The following PCDHGA11 variants were observed in gnomAD, a reference collection of about 807,000 sequenced individuals.
The protein encoded by PCDHGA11 is protocadherin gamma-A11.
PCDHGA11 carries 39 observed loss-of-function variants against 60.4 expected under a neutral mutation model. The ratio of observed to expected loss-of-function variants is 0.65; its 90% CI spans 0.50 to 0.84. The LOEUF (loss-of-function observed/expected upper bound fraction) is 0.84. Ranked by LOEUF, PCDHGA11 falls within the 40% of genes least tolerant of loss-of-function variation. PCDHGA11 has a pLI of 0.00. For missense variants in PCDHGA11, 1,165 were observed against 1,197.7 expected, an observed-to-expected ratio of 0.97 and a Z score of 0.40; for synonymous variants, 533 against 510.3, an observed-to-expected ratio of 1.04 and a Z score of -0.60.
At chr5:141,458,080 C>T (rs62379190) in intron 1 of PCDHGA11, among the ~76,000 whole-genome samples, 5,138 of 152,230 alleles carry the variant, frequency 0.034, 100 homozygotes, top group Middle Eastern at 0.088. Flanking sequence ...ACTATATTGC[C>T]GTAAGTTAAG....
rs781267293 is a variant in PCDHGA11 at position 141,489,926 on chromosome 5, C to T, written c.2434-4881C>T. 1.2e-6 allele frequency: 2 copies of T among 1,614,222 alleles called. No individual in the cohort carries two copies. The highest frequency in any genetic ancestry group is 2.2e-5 in the East Asian group (1 of 44,878). On this transcript the variant is annotated intron_variant, in intron 1 of 3. Coordinates refer to ENST00000398587, the MANE Select transcript of PCDHGA11 (RefSeq NM_018914.3). The surrounding 1 kb of genome is among the most constrained non-coding windows in gnomAD (Gnocchi z 4.5). Reference sequence around the variant, plus strand: ...GCCCGCTCAGGGACCACCCTTATCTCTGTCATCGTGCTGGACATCAATGAT... The same window carrying T: ...GCCCGCTCAGGGACCACCCTTATCTTTGTCATCGTGCTGGACATCAATGAT...
At chr5:141,446,718 C>G (rs1279970040) in intron 1 of PCDHGA11, among the ~76,000 whole-genome samples, 1 of 152,174 alleles carries the variant, frequency 6.6e-6, no homozygotes, top group Non-Finnish European at 1.5e-5. Flanking sequence ...CTGCCCGCCT[C>G]GGCCTCCCAA....
In PCDHGA11 at chr5:141,485,132, T is replaced by C. The variant is rs1020670896; in HGVS notation, c.2434-9675T>C. On this transcript the variant is annotated intron_variant, in intron 1 of 3. Transcript: ENST00000398587. This position sits in a 1 kb window ranked among gnomAD's most constrained non-coding sequence, Gnocchi z 5.7. ...GGCTGTTTGGGGCGGGTCGGCTTCATCCGCGTCTCAGGAGCAAGTAGAGAA... is the reference window on the plus strand; with the variant it reads ...GGCTGTTTGGGGCGGGTCGGCTTCACCCGCGTCTCAGGAGCAAGTAGAGAA... 8.1e-6 allele frequency: 12 copies of C among 1,489,136 alleles called. No individual in the cohort carries two copies. Among genetic ancestry groups the C allele is most frequent in the East Asian group, 2.3e-5 (1 of 44,214 alleles). The allele number at this position is 1,489,136 out of a possible 1,614,324, so 92.2% of individuals were successfully genotyped here.
chr5:141,494,074 C>A (rs2099751716), intron 1 of PCDHGA11, among the ~76,000 whole-genome samples: 1 of 152,180 alleles, frequency 6.6e-6, no homozygotes, highest in Non-Finnish European at 1.5e-5. Context: ...GGATCCCTCC[C>A]CGCTGCATCC....
intron 1 of PCDHGA11, among the ~76,000 whole-genome samples, chr5:141,463,797 T>C (rs58523023): frequency 0.28 from 42,459 of 152,012 alleles, 6,656 homozygotes; most frequent in African/African-American, 0.43. Flanking sequence ...TGAACAAATG[T>C]CTAAAAGCTT....
intron 1 of PCDHGA11, chr5:141,478,608 G>C (rs751033009): frequency 7.7e-6 from 12 of 1,558,942 alleles, no homozygotes; most frequent in Middle Eastern, 1.7e-4. Context: ...ATCATATTGA[G>C]GAAGGAATGG....
chr5:141,496,981 T>A (rs928774783), intron 2 of PCDHGA11, among the ~76,000 whole-genome samples: 1 of 150,304 alleles, frequency 6.7e-6, no homozygotes, highest in African/African-American at 2.5e-5. Context: ...AGGTCAGGGG[T>A]TTGAGACCAG....
Position 141,487,506 on chromosome 5 carries a change from C to T in PCDHGA11, c.2434-7301C>T. 1 of 1,614,220 alleles carries T rather than the reference C, an allele frequency of 6.2e-7. No homozygotes were observed. The highest frequency in any genetic ancestry group is 8.5e-7 in the Non-Finnish European group (1 of 1,180,046). On this transcript the variant is annotated intron_variant, in intron 1 of 3. Coordinates refer to ENST00000398587, the MANE Select transcript of PCDHGA11 (RefSeq NM_018914.3). The surrounding 1 kb of genome is among the most constrained non-coding windows in gnomAD (Gnocchi z 5.0). ...CATGGCTGTACACCCTTGGCTTCTG[C>T]ACCCACTCGGAGTGATAGCTTCATG...
Position 141,476,447 on chromosome 5 carries a change from G to A in PCDHGA11, c.2434-18360G>A. 2 of 1,614,130 alleles carry A rather than the reference G, an allele frequency of 1.2e-6. No homozygotes were observed. The highest frequency in any genetic ancestry group is 1.7e-6 in the Non-Finnish European group (2 of 1,180,026). On this transcript the variant is annotated intron_variant, in intron 1 of 3. Transcript: ENST00000398587. This position sits in a 1 kb window ranked among gnomAD's most constrained non-coding sequence, Gnocchi z 7.6. ...CTCTTGCACTGTAACTCTGGAGTTGGTAGTGGAGAACCCGCTGGAGCTGTT... is the reference window on the plus strand; with the variant it reads ...CTCTTGCACTGTAACTCTGGAGTTGATAGTGGAGAACCCGCTGGAGCTGTT...
intron 1 of PCDHGA11, chr5:141,478,053 T>A (rs1461280529): frequency 1.2e-6 from 2 of 1,614,010 alleles, no homozygotes; most frequent in Non-Finnish European, 1.7e-6. Context: ...ACTCTCACGG[T>A]CTTGATCAAA....
intron 1 of PCDHGA11, among the ~76,000 whole-genome samples, chr5:141,448,169 A>C (rs1418273084): frequency 6.6e-6 from 1 of 152,014 alleles, no homozygotes; most frequent in Non-Finnish European, 1.5e-5. Flanking sequence ...GATCACTACT[A>C]TTCATCCCTG....
chr5:141,477,295 G>A lies in PCDHGA11; in HGVS notation c.2434-17512G>A, dbSNP rs1207558247. On this transcript the variant is annotated intron_variant, in intron 1 of 3. Transcript: ENST00000398587. This position sits in a 1 kb window ranked among gnomAD's most constrained non-coding sequence, Gnocchi z 4.9. ...GGCTGGTGACCTGCGAAGTTCCACC[G>A]GGTCTCCCTTTCAGCCTTACTTCTT... is the stretch of plus-strand genomic sequence containing the variant. The A allele has an allele frequency of 8.1e-6, 13 of 1,613,990 alleles. No homozygotes were observed. Among genetic ancestry groups the A allele is most frequent in the Admixed American group, 3.3e-5 (2 of 59,990 alleles).
intron 1 of PCDHGA11, among the ~76,000 whole-genome samples, chr5:141,492,421 C>G (rs986772215): frequency 5.9e-5 from 9 of 152,250 alleles, no homozygotes; most frequent in African/African-American, 1.9e-4. Context: ...CTCCCTCCGC[C>G]GGGCTCAGGA....
rs369886570 is a variant in PCDHGA11 at position 141,487,839 on chromosome 5, G to A, written c.2434-6968G>A. ...GGGGGCGGGTCATGCCTATATCTGAGTAAGAAATGAAAGTAATTGGTGATC... is the reference window on the plus strand; with the variant it reads ...GGGGGCGGGTCATGCCTATATCTGAATAAGAAATGAAAGTAATTGGTGATC... On this transcript the variant is annotated intron_variant, in intron 1 of 3. Transcript: ENST00000398587. The surrounding 1 kb of genome is among the most constrained non-coding windows in gnomAD (Gnocchi z 5.0). The A allele has an allele frequency of 2.7e-6, 3 of 1,103,412 alleles. No homozygotes were observed. Among genetic ancestry groups the A allele is most frequent in the African/African-American group, 1.6e-5 (1 of 63,054 alleles). The allele number at this position is 1,103,412 out of a possible 1,614,324, so 68.4% of individuals were successfully genotyped here.
chr5:141,425,845 GT>G (rs2096898477), intron 1 of PCDHGA11, among the ~76,000 whole-genome samples: 1 of 152,126 alleles, frequency 6.6e-6, no homozygotes, highest in Non-Finnish European at 1.5e-5. Context: ...TCTTTGCTGG[GT>G]TAATGACTGT....
At position 141,476,638 on chromosome 5, in the gene PCDHGA11, G is replaced by A. The variant is rs997136356; in HGVS notation, c.2434-18169G>A. On this transcript the variant is annotated intron_variant, in intron 1 of 3. Transcript: ENST00000398587. This position sits in a 1 kb window ranked among gnomAD's most constrained non-coding sequence, Gnocchi z 7.6. ...GCAACTCTTTACAAACCTATGAGCT[G>A]AGCCGAAATGAATACTTTGCGCTTC... 1.9e-6 allele frequency: 3 copies of A among 1,614,268 alleles called. No homozygotes were observed. Among genetic ancestry groups the A allele is most frequent in the Middle Eastern group, 1.6e-4 (1 of 6,062 alleles).
intron 1 of PCDHGA11, among the ~76,000 whole-genome samples, chr5:141,460,758 C>T (rs1292050905): frequency 6.6e-6 from 1 of 150,582 alleles, no homozygotes; most frequent in African/African-American, 2.4e-5. Context: ...TGTACATATA[C>T]ATATTGCATA....
chr5:141,473,117 C>A (rs976493841), intron 1 of PCDHGA11, among the ~76,000 whole-genome samples: 4 of 152,140 alleles, frequency 2.6e-5, no homozygotes, highest in Admixed American at 1.3e-4. Flanking sequence ...CTTTACTTGG[C>A]TCTTTGGCAA....
intron 1 of PCDHGA11, among the ~76,000 whole-genome samples, chr5:141,469,120 T>C (rs188113354): frequency 6.6e-6 from 1 of 151,574 alleles, no homozygotes; most frequent in East Asian, 1.9e-4. Context: ...CTAAAAAAAT[T>C]TAAAAATTAG....
Sources: gnomAD v4.1 joint callset for allele counts (sites outside exome capture counted in the v4.1 genomes callset) on GRCh38, gnomAD v4.1.1 for gene constraint, Gnocchi (gnomAD v3.1) non-coding constraint, MANE v1.5 for transcripts, NCBI Gene and HGNC (gene_info 2026-07-23, HGNC 2026-07-21) for gene names.